Variants in MADD observed in about 807,000 individuals in gnomAD.
MADD encodes the protein MAP kinase activating death domain.
In MADD, 109 loss-of-function variants were observed where a neutral mutation model predicts 176.7. The ratio of observed to expected loss-of-function variants is 0.62; its 90% CI spans 0.53 to 0.72. The LOEUF is 0.72. Among genes scored for constraint, MADD ranks in the 30% least tolerant of loss-of-function variants. The pLI, the probability that MADD is intolerant of heterozygous loss-of-function variation, is 0.00. For synonymous variants in MADD, 771 were observed against 771.3 expected, an observed-to-expected ratio of 1.00 and a Z score of 0.01; for missense variants, 1,914 against 2,045.5, an observed-to-expected ratio of 0.94 and a Z score of 1.24.
Position 47,295,499 on chromosome 11 carries a change from A to G in MADD, c.3406A>G (p.Thr1136Ala), listed in dbSNP as rs1224372941. The change falls in exon 21 of 33, where the codon ACT (threonine) becomes GCT (alanine). Residue 1136 changes from threonine to alanine, a missense_variant. Physicochemically the swap from Thr to Ala is moderately conservative, Grantham distance 58 (BLOSUM62 0). Coordinates refer to ENST00000402192, the Ensembl canonical transcript of MADD. The stretch of plus-strand genomic sequence containing the variant: ...ATGTTCCTGTGTCTTGTTTCAGAGG[A>G]CTGATCAAGACTCTGTCATCGGCGT... 1.2e-6 allele frequency: 2 copies of G among 1,613,000 alleles called. No individual in the cohort carries two copies. The highest frequency in any genetic ancestry group is 3.3e-5 in the Admixed American group (2 of 59,992).
chr11:47,284,093 C>G, intron 10 of MADD, 85 bp from the exon 11 acceptor site: 1 of 898,508 alleles, frequency 1.1e-6, no homozygotes, highest in Non-Finnish European at 1.9e-6. Context: ...GGAGTGCTCC[C>G]CCTTTTATTT....
At chr11:47,274,593 T>A in exon 3 of MADD, 1 of 1,613,908 alleles carries the variant, frequency 6.2e-7, no homozygotes, top group Non-Finnish European at 8.5e-7. Flanking sequence ...TGGCCCAGAC[T>A]CCTGAATTGC....
At chr11:47,328,590 G>T (rs2095714302) in intron 31 of MADD, 68 bp from the exon 36 acceptor site, 1 of 1,608,996 alleles carries the variant, frequency 6.2e-7, no homozygotes, top group Non-Finnish European at 8.5e-7. Context: ...GCTGCCGCCT[G>T]GGGGAGCATG....
intron 22 of MADD, among the ~76,000 whole-genome samples, chr11:47,296,793 G>T (rs1274710403): frequency 6.8e-6 from 1 of 146,426 alleles, no homozygotes; most frequent in Non-Finnish European, 1.5e-5. Flanking sequence ...TTTACACAGG[G>T]TCTCACTCTG....
chr11:47,275,405 C>T (rs1473316884), intron 3 of MADD, among the ~76,000 whole-genome samples: 1 of 152,222 alleles, frequency 6.6e-6, no homozygotes, highest in Non-Finnish European at 1.5e-5. Flanking sequence ...GATCCTTCTG[C>T]CTCAGCCTCC....
At chr11:47,277,349 G>A (rs1309958341) in intron 5 of MADD, among the ~76,000 whole-genome samples, 2 of 152,200 alleles carry the variant, frequency 1.3e-5, no homozygotes. Flanking sequence ...CTGGAGTACA[G>A]TGGCACAATC....
intron 27 of MADD, among the ~76,000 whole-genome samples, chr11:47,318,214 C>A (rs901340385): frequency 3.3e-4 from 50 of 152,108 alleles, no homozygotes; most frequent in African/African-American, 9.2e-4. Context: ...TGAAACAGAC[C>A]TAAGTAATTT....
At chr11:47,282,872 C>G in exon 10 of MADD, 1 of 1,614,174 alleles carries the variant, frequency 6.2e-7, no homozygotes, top group Non-Finnish European at 8.5e-7. Context: ...TCAGCTGCAG[C>G]CTATCCACTA....
In MADD at chr11:47,329,040, C is replaced by T. The variant is rs374380968; in HGVS notation, c.4660-6C>T. 4.8e-5 allele frequency: 77 copies of T among 1,610,862 alleles called. No homozygotes were observed. The highest frequency in any genetic ancestry group is 6.0e-5 in the Non-Finnish European group (71 of 1,177,098). On this transcript the variant is annotated splice_region_variant and splice_polypyrimidine_tract_variant and intron_variant, in intron 32 of 32. Transcript: ENST00000402192. ...ATCGTGATCCGCCTGGTTTTCTCTC[C>T]TCTAGGCCCACGAAATCTGCTACTC...
chr11:47,292,055 T>C (rs1261513025), intron 19 of MADD, among the ~76,000 whole-genome samples: 1 of 152,192 alleles, frequency 6.6e-6, no homozygotes, highest in Non-Finnish European at 1.5e-5. Flanking sequence ...GTCCAGTGAA[T>C]CAAGCAAAGA....
At position 47,308,204 on chromosome 11, in the gene MADD, G is replaced by A. The variant is rs149746586; in HGVS notation, c.3643-387G>A. ...ACAGATAAGGAAAATGAGGCTCAGC[G>A]AAGCTGATTTCTGTACCTAAGGTCA... On this transcript the variant is annotated intron_variant, in intron 22 of 32. Transcript: ENST00000402192. 2.0e-3 allele frequency among the ~76,000 whole-genome samples: 303 copies of A among 152,304 alleles called. 1 individual carries two copies. The highest frequency in any genetic ancestry group is 5.6e-3 in the African/African-American group (233 of 41,568).
rs752905681 is a variant in MADD, at chr11:47,281,566, G to C, written c.1291-9G>C. On this transcript the variant is annotated splice_polypyrimidine_tract_variant and intron_variant, in intron 7 of 32. Transcript: ENST00000402192. Reference sequence around the variant, plus strand: ...TCCTTGTGTAAGGAATTTTCTTGTTGTTCCACAGGCCTTGGCCAGCATGAG... The same window carrying C: ...TCCTTGTGTAAGGAATTTTCTTGTTCTTCCACAGGCCTTGGCCAGCATGAG... 5.7e-6 allele frequency: 9 copies of C among 1,586,052 alleles called. No homozygotes were observed. The highest frequency in any genetic ancestry group is 7.7e-6 in the Non-Finnish European group (9 of 1,161,314).
intron 22 of MADD, among the ~76,000 whole-genome samples, chr11:47,300,792 C>G (rs2077134425): frequency 6.6e-6 from 1 of 152,194 alleles, no homozygotes; most frequent in African/African-American, 2.4e-5. Flanking sequence ...ACCACCGTGC[C>G]CTGTGATGGG....
rs921204366 is a variant in MADD at position 47,291,544 on chromosome 11, A to T, written c.3301+728A>T. Among the ~76,000 whole-genome samples, 3 of 152,138 alleles carry T rather than the reference A, an allele frequency of 2.0e-5. No homozygotes were observed. In the East Asian group the frequency reaches 5.8e-4, roughly 29 times the overall value. ...CAGCTGACATCTCATTGCCATGGCC[A>T]TTAGCAGTTGCCATATGCTCCCATA... On this transcript the variant is annotated intron_variant, in intron 19 of 32. Coordinates refer to ENST00000402192, the Ensembl canonical transcript of MADD.
chr11:47,312,053 C>G (rs2089753539), intron 26 of MADD, among the ~76,000 whole-genome samples: 1 of 152,182 alleles, frequency 6.6e-6, no homozygotes, highest in Non-Finnish European at 1.5e-5. Context: ...GCTGAGGGTT[C>G]AGAAGGTGAA....
intron 31 of MADD, chr11:47,327,988 A>G: frequency 4.1e-6 from 4 of 983,638 alleles, no homozygotes; most frequent in Non-Finnish European, 4.8e-6. Context: ...GCTCCCTGTC[A>G]CCTCCCTCCC....
Position 47,284,393 on chromosome 11 carries a change from A to G in MADD, c.1985A>G (p.His662Arg), listed in dbSNP as rs979798223. 6.8e-6 allele frequency: 11 copies of G among 1,614,056 alleles called. No individual in the cohort carries two copies. In the Admixed American group the frequency reaches 1.5e-4, roughly 22 times the overall value. The change falls in exon 12 of 33, where the codon CAT becomes CGT. Residue 662 changes from histidine to arginine, a missense_variant. Physicochemically the swap from His to Arg is conservative, Grantham distance 29. Coordinates refer to ENST00000402192, the Ensembl canonical transcript of MADD. The stretch of plus-strand genomic sequence containing the variant: ...TTGGCAGATGTGGACCCTCTGACAC[A>G]TGCAGCACTGGGGGATGCCAGCGAG...
chr11:47,313,228 A>G (rs2141116999), intron 26 of MADD, among the ~76,000 whole-genome samples: 1 of 152,246 alleles, frequency 6.6e-6, no homozygotes, highest in East Asian at 1.9e-4. Context: ...AATGAATGTG[A>G]TTTTTTAAAC....
At chr11:47,292,443 T>A in intron 19 of MADD, 100 bp from the exon 21 acceptor site, 1 of 1,038,056 alleles carries the variant, frequency 9.6e-7, no homozygotes, top group East Asian at 2.4e-5. Context: ...ATCCAGTGCC[T>A]GAGACTGAAT....
Sources: gnomAD v4.1 joint callset for allele counts (sites outside exome capture counted in the v4.1 genomes callset) on GRCh38, gnomAD v4.1.1 for gene constraint, MANE v1.5 for transcripts, NCBI Gene and HGNC (gene_info 2026-07-23, HGNC 2026-07-21) for gene names.